CACNA2D2: variants seen among roughly 807,000 people sequenced by gnomAD.
The protein encoded by CACNA2D2 is voltage-dependent calcium channel subunit alpha-2/delta-2.
CACNA2D2 carries 48 observed loss-of-function variants against 166.4 expected under a neutral mutation model. The observed-to-expected ratio is 0.29, with a 90% confidence interval of 0.23 to 0.37. The LOEUF is 0.37. Among genes scored for constraint, CACNA2D2 ranks in the 10% least tolerant of loss-of-function variants. The pLI is 1.00. For synonymous variants in CACNA2D2, 561 were observed against 573.7 expected (o/e 0.98, Z 0.32); for missense variants, 1,122 against 1,433.0 (o/e 0.78, Z 3.50).
chr3:50,410,486 G>T (rs998892043), intron 3 of CACNA2D2, among the ~76,000 whole-genome samples: 7 of 151,984 alleles, frequency 4.6e-5, no homozygotes, highest in Non-Finnish European at 7.4e-5. Context: ...GGGATGGGGG[G>T]GGGGGTGTTG....
intron 23 of CACNA2D2, among the ~76,000 whole-genome samples, chr3:50,369,903 C>A (rs587655941): frequency 6.6e-6 from 1 of 152,098 alleles, no homozygotes; most frequent in Non-Finnish European, 1.5e-5. Context: ...CAGACCCACA[C>A]GAACACCGAC....
In CACNA2D2 at chr3:50,380,798, C is replaced by A. The variant is rs764918367; in HGVS notation, c.792G>T (p.Pro264=). Residue 264 remains proline (P), a synonymous_variant, in exon 8 of 38, where the codon CCG becomes CCT. Transcript: ENST00000424201. The surrounding 1 kb of genome is among the most constrained non-coding windows in gnomAD (Gnocchi z 4.9). ...GGTCGATCTTCTTGGGGGCTCGCCA[C>A]GGGGTGGCTGAGGGAGGAGAGAAGG... ...TGVTRYYPAT[P]WRAPKKIDLY... is the part of the protein sequence containing the mutation. The A allele has an allele frequency of 6.5e-7, 1 of 1,544,430 alleles. No individual in the cohort carries two copies.
chr3:50,448,759 A>T (rs1490952832), intron 2 of CACNA2D2, among the ~76,000 whole-genome samples: 1 of 152,014 alleles, frequency 6.6e-6, no homozygotes, highest in African/African-American at 2.4e-5. Flanking sequence ...CCTTCTGCCC[A>T]CCATTTCAGA....
intron 3 of CACNA2D2, among the ~76,000 whole-genome samples, chr3:50,405,674 G>A (rs1029431996): frequency 4.6e-5 from 7 of 151,942 alleles, no homozygotes; most frequent in Admixed American, 3.9e-4. Context: ...CCACAGGCAG[G>A]GCCTGCCTTG....
intron 2 of CACNA2D2, among the ~76,000 whole-genome samples, chr3:50,468,604 C>T (rs941444845): frequency 1.3e-5 from 2 of 152,088 alleles, no homozygotes; most frequent in Non-Finnish European, 2.9e-5. Flanking sequence ...TTCATGGCCA[C>T]TGAGATTGTC....
At position 50,399,663 on chromosome 3, in the gene CACNA2D2, T is replaced by C. The variant is rs977929027; in HGVS notation, c.406-5495A>G. 2.6e-5 allele frequency among the ~76,000 whole-genome samples: 4 copies of C among 152,254 alleles called. No individual in the cohort carries two copies. In the South Asian group the frequency reaches 6.2e-4, roughly 24 times the overall value. On this transcript the variant is annotated intron_variant, in intron 3 of 37. Transcript: ENST00000424201. ...TCCCCTCCTTTCACAGCCGAGGGGATTGAGGCTCAAAGCATTAGTGTAGCT... is the reference window on the plus strand; with the variant it reads ...TCCCCTCCTTTCACAGCCGAGGGGACTGAGGCTCAAAGCATTAGTGTAGCT...
chr3:50,365,676 C>A lies in CACNA2D2; in HGVS notation c.2928G>T (p.Gln976His). 1.3e-6 allele frequency: 2 copies of A among 1,586,742 alleles called. No individual in the cohort carries two copies. The highest frequency in any genetic ancestry group is 1.7e-6 in the Non-Finnish European group (2 of 1,166,868). Residue 976 changes from glutamine (Q) to histidine (H), a missense_variant, in exon 34 of 38, where the codon CAG (glutamine) becomes CAT (histidine). Around this residue, in one of 2 missense-constraint regions of CACNA2D2, gnomAD observed 282 missense variants for 266.2 expected, o/e 1.06. Transcript: ENST00000424201. This position sits in a 1 kb window ranked among gnomAD's most constrained non-coding sequence, Gnocchi z 4.5. The stretch of plus-strand genomic sequence containing the variant: ...GGTAGATGAGGCCGTAGAGAAGCTG[C>A]TGGAACAGGGACCTGCAGCGCACGG... ...WTSAAAWSLF[Q>H]QLLYGLIYHS...
chr3:50,447,533 A>C (rs751779351), intron 2 of CACNA2D2, among the ~76,000 whole-genome samples: 1 of 152,114 alleles, frequency 6.6e-6, no homozygotes, highest in Non-Finnish European at 1.5e-5. Context: ...GAGGGAGAGA[A>C]CTGGGAGCTA....
intron 2 of CACNA2D2, among the ~76,000 whole-genome samples, chr3:50,451,421 C>T (rs1012317906): frequency 2.0e-5 from 3 of 152,064 alleles, no homozygotes; most frequent in Non-Finnish European, 4.4e-5. Context: ...TCAACACGCA[C>T]GGCCCAGGGG....
intron 1 of CACNA2D2, among the ~76,000 whole-genome samples, chr3:50,488,996 G>A (rs983762495): frequency 5.3e-5 from 8 of 152,238 alleles, no homozygotes; most frequent in South Asian, 4.1e-4. Context: ...CACCGCGCAC[G>A]TCCTTCCTGG....
At chr3:50,389,540 C>T (rs957240429) in intron 4 of CACNA2D2, among the ~76,000 whole-genome samples, 12 of 152,332 alleles carry the variant, frequency 7.9e-5, no homozygotes, top group African/African-American at 2.9e-4. Context: ...TGGTCACTTG[C>T]AGCCCTCAGG....
intron 2 of CACNA2D2, among the ~76,000 whole-genome samples, chr3:50,443,844 G>T (rs749442743): frequency 1.3e-5 from 2 of 152,234 alleles, no homozygotes; most frequent in Non-Finnish European, 2.9e-5. Flanking sequence ...GAAGGGCTCT[G>T]GGAGCCAGGG....
chr3:50,410,547 G>A (rs2106797344), intron 3 of CACNA2D2, among the ~76,000 whole-genome samples: 1 of 151,930 alleles, frequency 6.6e-6, no homozygotes, highest in African/African-American at 2.4e-5. Flanking sequence ...GGTATGCAAG[G>A]CCTCTGGGCC....
In CACNA2D2 at chr3:50,443,891, G is replaced by A. The variant is rs150716177; in HGVS notation, c.289-9462C>T. Among the ~76,000 whole-genome samples the A allele has an allele frequency of 4.6e-3, 697 of 152,330 alleles. 5 individuals are homozygous for A. The highest frequency in any genetic ancestry group is 0.016 in the African/African-American group (650 of 41,570). On this transcript the variant is annotated intron_variant, in intron 2 of 37. Coordinates refer to ENST00000424201, the MANE Select transcript of CACNA2D2 (RefSeq NM_006030.4). The stretch of plus-strand genomic sequence containing the variant: ...TCCAGTGGACCCTTGGTGGGCCAGG[G>A]GGGACTCCCAATCATGTCACAGCTC...
At chr3:50,404,933 T>TA (rs1706627120) in intron 3 of CACNA2D2, among the ~76,000 whole-genome samples, 1 of 152,150 alleles carries the variant, frequency 6.6e-6, no homozygotes, top group African/African-American at 2.4e-5. Flanking sequence ...TGCATGGGAA[T>TA]GTATTCCCAC....
chr3:50,445,177 A>C (rs1410407044), intron 2 of CACNA2D2, among the ~76,000 whole-genome samples: 4 of 152,166 alleles, frequency 2.6e-5, no homozygotes, highest in Non-Finnish European at 5.9e-5. Flanking sequence ...GGTTGGGGCT[A>C]CCTGAAGGTC....
chr3:50,478,135 C>T (rs1268982536), intron 1 of CACNA2D2, among the ~76,000 whole-genome samples: 2 of 152,222 alleles, frequency 1.3e-5, no homozygotes, highest in Non-Finnish European at 2.9e-5. Context: ...CCCTCCTCCG[C>T]TCCCCACCAC....
At chr3:50,424,344 C>T (rs1328586076) in intron 3 of CACNA2D2, among the ~76,000 whole-genome samples, 3 of 152,246 alleles carry the variant, frequency 2.0e-5, no homozygotes, top group South Asian at 2.1e-4. Context: ...CAGGGAGCCC[C>T]GTGTACCCCA....
chr3:50,378,522 G>A (rs1309724079), intron 13 of CACNA2D2, among the ~76,000 whole-genome samples, 189 bp from the exon 14 acceptor site: 1 of 152,252 alleles, frequency 6.6e-6, no homozygotes, highest in Non-Finnish European at 1.5e-5. Context: ...GGGAGTGAGT[G>A]CAGCAGTATC....
Sources: allele counts gnomAD v4.1 joint callset (sites outside exome capture counted in the v4.1 genomes callset), GRCh38; gene constraint gnomAD v4.1.1; regional missense constraint gnomAD v4.1.1; non-coding constraint Gnocchi (gnomAD v3.1); transcripts MANE v1.5; gene names NCBI Gene and HGNC (gene_info 2026-07-23, HGNC 2026-07-21).